Variants in ADGRF1 observed in about 807,000 individuals in gnomAD.
ADGRF1 encodes adhesion G protein-coupled receptor F1.
ADGRF1 carries 85 observed loss-of-function variants against 87.2 expected under a neutral mutation model. The observed-to-expected ratio is 0.97, with a 90% confidence interval of 0.82 to 1.17. ADGRF1 has a LOEUF of 1.17. ADGRF1 is among the 50% of genes most tolerant of loss of function. ADGRF1 has a pLI of 0.00. For missense variants in ADGRF1, 1,169 were observed against 1,077.2 expected, an observed-to-expected ratio of 1.09 and a Z score of -1.19; for synonymous variants, 430 against 408.8, an observed-to-expected ratio of 1.05 and a Z score of -0.63.
intron 9 of ADGRF1, chr6:47,012,411 A>T: frequency 1.2e-6 from 1 of 828,580 alleles, no homozygotes; most frequent in Non-Finnish European, 1.6e-6. Context: ...AATTCTTTCA[A>T]CATCCTTTGA....
At chr6:47,036,538 G>T (rs567738538) in intron 1 of ADGRF1, among the ~76,000 whole-genome samples, 14 of 152,280 alleles carry the variant, frequency 9.2e-5, no homozygotes, top group African/African-American at 3.1e-4. Flanking sequence ...GGCTCTGTGG[G>T]ACCTTTATAC....
Position 47,024,201 on chromosome 6 carries a change from A to G in ADGRF1, c.294T>C (p.Asn98=). 1 of 1,613,784 alleles carries G rather than the reference A, an allele frequency of 6.2e-7. No homozygotes were observed. The highest frequency in any genetic ancestry group is 1.1e-5 in the South Asian group (1 of 91,042). ...CTTCACAGGTACACTGCAGGACTCC[A>G]TTCAGGCTGTTGCAGTCTGCACAAG... ...AKATTDCNSL[N]GVLQCTCEDS... is the part of the protein sequence containing the mutation. Residue 98 remains asparagine, a synonymous_variant, in exon 5 of 15, where the codon AAT becomes AAC. Transcript: ENST00000371253.
chr6:47,025,853 C>A lies in ADGRF1; in HGVS notation c.277+1G>T. On this transcript the variant is annotated splice_donor_variant, in intron 4 of 14. Coordinates refer to ENST00000371253, the MANE Select transcript of ADGRF1 (RefSeq NM_153840.4). LOFTEE classifies it high-confidence loss of function. Reference sequence around the variant, plus strand: ...CATCCAGTCACCGAGAGCCACCTTACCTGTGGTAGCCTTTGCTCTGATAAT... The same window carrying A: ...CATCCAGTCACCGAGAGCCACCTTAACTGTGGTAGCCTTTGCTCTGATAAT... 1 of 1,579,872 alleles carries A rather than the reference C, an allele frequency of 6.3e-7. No homozygotes were observed. The highest frequency in any genetic ancestry group is 8.6e-7 in the Non-Finnish European group (1 of 1,158,362).
intron 1 of ADGRF1, among the ~76,000 whole-genome samples, chr6:47,039,934 C>T (rs981362248): frequency 2.0e-5 from 3 of 151,686 alleles, no homozygotes; most frequent in African/African-American, 7.3e-5. Flanking sequence ...TGCACTCCAG[C>T]CTGAGCAACA....
chr6:47,027,558 G>T (rs1259421672), intron 3 of ADGRF1, 146 bp downstream of exon 3: 1 of 597,980 alleles, frequency 1.7e-6, no homozygotes, highest in Non-Finnish European at 3.0e-6. Context: ...CTTGCTCATA[G>T]GAATTACTGT....
At chr6:47,035,237 C>T (rs532761407) in intron 1 of ADGRF1, among the ~76,000 whole-genome samples, 69 of 152,262 alleles carry the variant, frequency 4.5e-4, no homozygotes, top group African/African-American at 9.4e-4. Flanking sequence ...AATGGCATTC[C>T]GCAAAAGATG....
intron 5 of ADGRF1, among the ~76,000 whole-genome samples, chr6:47,023,171 T>C (rs536177473): frequency 7.2e-5 from 11 of 152,310 alleles, no homozygotes; most frequent in African/African-American, 2.4e-4. Flanking sequence ...TTTTCTTTCT[T>C]GTATTACAGT....
intron 1 of ADGRF1, among the ~76,000 whole-genome samples, chr6:47,041,126 T>C (rs766646863): frequency 6.6e-6 from 1 of 152,212 alleles, no homozygotes. Context: ...ATAAGACAAC[T>C]AAATAATTTG....
intron 9 of ADGRF1, chr6:47,014,335 A>T: frequency 9.8e-7 from 1 of 1,025,512 alleles, no homozygotes; most frequent in Non-Finnish European, 1.2e-6. Context: ...TCACACCTTC[A>T]CTCTTCTCTT....
chr6:47,017,256 A>T (rs1779912363), intron 7 of ADGRF1: 1 of 152,200 alleles, frequency 6.6e-6, no homozygotes. Flanking sequence ...CAGGAGTCAG[A>T]TCTCATAGGA....
chr6:47,029,831 T>C (rs1780356247), intron 1 of ADGRF1, among the ~76,000 whole-genome samples: 1 of 152,234 alleles, frequency 6.6e-6, no homozygotes, highest in Admixed American at 6.5e-5. Flanking sequence ...TTTCCAGTGC[T>C]CAGGGGCCAC....
At chr6:47,038,780 T>C (rs976695609) in intron 1 of ADGRF1, among the ~76,000 whole-genome samples, 5 of 152,262 alleles carry the variant, frequency 3.3e-5, no homozygotes, top group African/African-American at 1.2e-4. Flanking sequence ...CTACATCTTT[T>C]ACCAATTACT....
rs988885111 is a variant in ADGRF1, at chr6:47,014,799, T to A, written c.809A>T (p.Glu270Val). 1.9e-6 allele frequency: 3 copies of A among 1,613,682 alleles called. No individual in the cohort carries two copies. Among genetic ancestry groups the A allele is most frequent in the Admixed American group, 1.7e-5 (1 of 59,974 alleles). The change falls in exon 9 of 15, where the codon GAA becomes GTA. Residue 270 changes from glutamate (E) to valine (V), a missense_variant. Coordinates refer to ENST00000371253, the MANE Select transcript of ADGRF1 (RefSeq NM_153840.4). Reference sequence around the variant, plus strand: ...GCCACTGCTGCAGGGCAGGGTATATTCATCATCCTTGGACCCAAATCCAAA... The same window carrying A: ...GCCACTGCTGCAGGGCAGGGTATATACATCATCCTTGGACCCAAATCCAAA... ...IVFGFGSKDD[E>V]YTLPCSSGYR...
chr6:47,000,813 G>A (rs1248776783), intron 14 of ADGRF1, among the ~76,000 whole-genome samples: 1 of 152,216 alleles, frequency 6.6e-6, no homozygotes, highest in African/African-American at 2.4e-5. Context: ...AACTGAATGT[G>A]AAATGGGACT....
Position 47,012,110 on chromosome 6 carries a change from G to T in ADGRF1, c.1013C>A (p.Pro338Gln). 6.2e-7 allele frequency: 1 copy of T among 1,614,140 alleles called. No homozygotes were observed. Among genetic ancestry groups the T allele is most frequent in the Non-Finnish European group, 8.5e-7 (1 of 1,179,972 alleles). ...QNLSVIIRQN[P>Q]STTVGNLASV... ...AGCCAGATTCCCCACTGTGGTTGAT[G>T]GGTTTTGCCGAATGATGACAGAAAG... The change falls in exon 10 of 15, where the codon CCA (proline) becomes CAA (glutamine). Residue 338 changes from proline (P) to glutamine (Q), a missense_variant. Coordinates refer to ENST00000371253, the MANE Select transcript of ADGRF1 (RefSeq NM_153840.4).
chr6:47,041,411 C>T (rs1028922955), intron 1 of ADGRF1, among the ~76,000 whole-genome samples: 2 of 152,174 alleles, frequency 1.3e-5, no homozygotes, highest in South Asian at 2.1e-4. Context: ...AAGGTCATCA[C>T]TTCTCCACAC....
chr6:47,008,845 G>A (rs1779604876), intron 11 of ADGRF1, 100 bp downstream of exon 11: 1 of 978,092 alleles, frequency 1.0e-6, no homozygotes, highest in African/African-American at 1.6e-5. Flanking sequence ...CTTGCTGGAG[G>A]CAGGGAGATG....
intron 9 of ADGRF1, chr6:47,014,177 C>A (rs1157663179): frequency 2.3e-6 from 2 of 861,910 alleles, no homozygotes; most frequent in Non-Finnish European, 2.8e-6. Context: ...GTTTTCTGAT[C>A]TGCAAAATGA....
chr6:47,022,731 T>A (rs1183872955), intron 5 of ADGRF1, among the ~76,000 whole-genome samples: 1 of 152,230 alleles, frequency 6.6e-6, no homozygotes, highest in East Asian at 1.9e-4. Context: ...CCCTGTCTGA[T>A]CCAGTTTTGT....
Sources: gnomAD v4.1 joint callset for allele counts (sites outside exome capture counted in the v4.1 genomes callset) on GRCh38, gnomAD v4.1.1 for gene constraint, MANE v1.5 for transcripts, NCBI Gene and HGNC (gene_info 2026-07-23, HGNC 2026-07-21) for gene names.